Variants in BCKDHB observed in about 807,000 individuals in gnomAD.
The protein encoded by BCKDHB is branched chain keto acid dehydrogenase E1 subunit beta.
Under a neutral mutation model 48.5 loss-of-function variants are expected in BCKDHB, and 41 were observed. The ratio of observed to expected loss-of-function variants is 0.85; its 90% CI spans 0.66 to 1.10. The LOEUF (loss-of-function observed/expected upper bound fraction) is 1.10. BCKDHB is among the 50% of genes least tolerant of loss of function. The probability of loss-of-function intolerance (pLI) is 0.00; values close to 1 mark genes in which losing one functional copy is unlikely to be tolerated. For missense variants in BCKDHB, 496 were observed against 494.2 expected, an observed-to-expected ratio of 1.00 and a Z score of -0.03; for synonymous variants, 201 against 174.8, an observed-to-expected ratio of 1.15 and a Z score of -1.18.
the BCKDHB span, among the ~76,000 whole-genome samples, chr6:80,398,162 TA>T: frequency 0.1 from 15,683 of 150,024 alleles, 2,352 homozygotes; most frequent in African/African-American, 0.33. Context: ...ACATCACAAC[TA>T]AAAAAAAATT....
intron 6 of BCKDHB, among the ~76,000 whole-genome samples, chr6:80,194,625 T>C (rs1774052160): frequency 6.6e-6 from 1 of 152,194 alleles, no homozygotes; most frequent in Non-Finnish European, 1.5e-5. Flanking sequence ...TTCCTCATGA[T>C]TAAACTCAAG....
chr6:80,307,734 T>C, intron 9 of BCKDHB: 1 of 980,306 alleles, frequency 1.0e-6, no homozygotes, highest in African/African-American at 1.7e-5. Flanking sequence ...TGTTAGACCA[T>C]ATTGTCAGAT....
At chr6:80,120,309 C>CTG (rs538226055) in intron 1 of BCKDHB, among the ~76,000 whole-genome samples, 6,171 of 144,438 alleles carry the variant, frequency 0.043, 202 homozygotes, top group Non-Finnish European at 0.05. Flanking sequence ...GTGAATAGTG[C>CTG]CACAATAAAC....
downstream of BCKDHB, among the ~76,000 whole-genome samples, chr6:80,350,421 C>T (rs556730392): frequency 1.3e-5 from 2 of 151,220 alleles, no homozygotes; most frequent in Non-Finnish European, 3.0e-5. Context: ...CTGTATATGT[C>T]TGTATCCTGT....
chr6:80,446,034 G>C, the BCKDHB span, among the ~76,000 whole-genome samples: 3 of 152,170 alleles, frequency 2.0e-5, no homozygotes, highest in Non-Finnish European at 4.4e-5. Flanking sequence ...GGTATACAGA[G>C]AGCCAAGGAA....
At chr6:80,244,983 G>T (rs1190288634) in intron 8 of BCKDHB, among the ~76,000 whole-genome samples, 1 of 152,110 alleles carries the variant, frequency 6.6e-6, no homozygotes, top group Non-Finnish European at 1.5e-5. Flanking sequence ...ATCTACTCTG[G>T]AGCCAGGTGG....
At chr6:80,280,577 G>A (rs1032744021) in intron 9 of BCKDHB, among the ~76,000 whole-genome samples, 12 of 152,122 alleles carry the variant, frequency 7.9e-5, no homozygotes, top group African/African-American at 2.4e-4. Context: ...ATCAAGTATG[G>A]GAAATGATTG....
chr6:80,372,369 CTT>C, the BCKDHB span, among the ~76,000 whole-genome samples: 1 of 151,324 alleles, frequency 6.6e-6, no homozygotes, highest in Non-Finnish European at 1.5e-5. Flanking sequence ...TCGGATGAGT[CTT>C]TATATGATCA....
intron 6 of BCKDHB, among the ~76,000 whole-genome samples, chr6:80,181,557 C>G (rs1448742276): frequency 6.6e-6 from 1 of 152,094 alleles, no homozygotes; most frequent in Non-Finnish European, 1.5e-5. Flanking sequence ...AGTTGTAGGT[C>G]AGGTGTGGGT....
At chr6:80,426,587 T>G in the BCKDHB span, among the ~76,000 whole-genome samples, 9 of 152,146 alleles carry the variant, frequency 5.9e-5, no homozygotes, top group African/African-American at 1.7e-4. Flanking sequence ...ACCCATGGGT[T>G]ATTTGGAAGC....
chr6:80,285,591 TA>T (rs1398916848), intron 9 of BCKDHB, among the ~76,000 whole-genome samples: 1 of 151,880 alleles, frequency 6.6e-6, no homozygotes, highest in East Asian at 1.9e-4. Context: ...TTTCTGCCTT[TA>T]AAAAACAAAC....
At chr6:80,242,049 T>C (rs1776411846) in intron 8 of BCKDHB, among the ~76,000 whole-genome samples, 1 of 152,238 alleles carries the variant, frequency 6.6e-6, no homozygotes, top group African/African-American at 2.4e-5. Context: ...CACGGAAGTT[T>C]TAAATTTTTC....
At chr6:80,222,247 C>T (rs1248035459) in intron 8 of BCKDHB, among the ~76,000 whole-genome samples, 5 of 152,194 alleles carry the variant, frequency 3.3e-5, no homozygotes, top group Non-Finnish European at 7.3e-5. Flanking sequence ...AGTTAGTTCA[C>T]TTAAAAGTTT....
chr6:80,299,200 C>G (rs1767421803), intron 9 of BCKDHB, among the ~76,000 whole-genome samples: 1 of 151,994 alleles, frequency 6.6e-6, no homozygotes, highest in African/African-American at 2.4e-5. Flanking sequence ...TTAGGAGAGA[C>G]TCTTAATTCC....
intron 3 of BCKDHB, among the ~76,000 whole-genome samples, chr6:80,136,401 G>T (rs1283971628): frequency 6.6e-6 from 1 of 152,032 alleles, no homozygotes; most frequent in Non-Finnish European, 1.5e-5. Flanking sequence ...GGGAAAACTG[G>T]ATATTCACAT....
intron 8 of BCKDHB, among the ~76,000 whole-genome samples, chr6:80,230,023 GTTGTTTTTTTTTT>G (rs1211299309): frequency 3.4e-5 from 3 of 89,510 alleles, no homozygotes; most frequent in South Asian, 3.9e-4. Context: ...GGGTTTTTAG[GTTGTTTTTTTTTT>G]TTTTTTTTTT....
chr6:80,310,450 G>C (rs1288111418), intron 9 of BCKDHB, among the ~76,000 whole-genome samples: 1 of 152,172 alleles, frequency 6.6e-6, no homozygotes, highest in African/African-American at 2.4e-5. Flanking sequence ...TTTTATGACT[G>C]CATAGTATTC....
the BCKDHB span, among the ~76,000 whole-genome samples, chr6:80,451,184 C>A: frequency 6.6e-6 from 1 of 152,240 alleles, no homozygotes; most frequent in African/African-American, 2.4e-5. Flanking sequence ...ATAGTAGGAC[C>A]AATTTATTTG....
chr6:80,311,181 T>C (rs1379675271), intron 9 of BCKDHB, among the ~76,000 whole-genome samples: 1 of 152,176 alleles, frequency 6.6e-6, no homozygotes, highest in Non-Finnish European at 1.5e-5. Context: ...ACAAGCTCTC[T>C]CTTTTTGTCT....
Sources: gnomAD v4.1 joint callset for allele counts (sites outside exome capture counted in the v4.1 genomes callset) on GRCh38, gnomAD v4.1.1 for gene constraint, MANE v1.5 for transcripts, NCBI Gene and HGNC (gene_info 2026-07-23, HGNC 2026-07-21) for gene names.